Variants in RASA3 observed in about 807,000 individuals in gnomAD.
RASA3 encodes RAS p21 protein activator 3.
Under a neutral mutation model 110.0 loss-of-function variants are expected in RASA3, and 73 were observed. That is an observed-to-expected ratio of 0.66 (90% CI 0.55 to 0.81). The LOEUF (loss-of-function observed/expected upper bound fraction) is 0.81. Among genes scored for constraint, RASA3 ranks in the 30% least tolerant of loss-of-function variants. The probability of loss-of-function intolerance (pLI) is 0.00; values close to 1 mark genes in which losing one functional copy is unlikely to be tolerated. For synonymous variants in RASA3, 500 were observed against 451.4 expected (o/e 1.11, Z -1.37); for missense variants, 976 against 1,113.2 (o/e 0.88, Z 1.75).
intron 1 of RASA3, among the ~76,000 whole-genome samples, chr13:114,128,036 T>G (rs1460226374): frequency 2.0e-5 from 3 of 152,218 alleles, no homozygotes; most frequent in African/African-American, 7.2e-5. Flanking sequence ...GAGCCCCTGC[T>G]GTTTCCCAGG....
chr13:114,055,856 G>A (rs1214732457), intron 2 of RASA3, among the ~76,000 whole-genome samples: 1 of 152,268 alleles, frequency 6.6e-6, no homozygotes, highest in Non-Finnish European at 1.5e-5. Context: ...CCCAGCGGGA[G>A]CACGCACAGC....
chr13:114,069,569 C>T, intron 2 of RASA3, among the ~76,000 whole-genome samples: 1 of 4,286 alleles, frequency 2.3e-4, no homozygotes, highest in Non-Finnish European at 4.0e-4. Flanking sequence ...GGTTGGGAGA[C>T]TTGGGGGTCG....
At chr13:114,072,687 C>T (rs769181749) in intron 2 of RASA3, among the ~76,000 whole-genome samples, 53 of 152,314 alleles carry the variant, frequency 3.5e-4, no homozygotes, top group Non-Finnish European at 6.2e-4. Context: ...TTCACATCCA[C>T]GCACCACCAA....
chr13:114,012,971 C>G (rs557517672), intron 15 of RASA3, among the ~76,000 whole-genome samples, 171 bp downstream of exon 15: 2 of 149,216 alleles, frequency 1.3e-5, no homozygotes, highest in East Asian at 4.1e-4. Flanking sequence ...CACACACTCC[C>G]CACTCACTCC....
chr13:114,052,556 A>G (rs2079162474), intron 2 of RASA3, among the ~76,000 whole-genome samples: 1 of 152,076 alleles, frequency 6.6e-6, no homozygotes, highest in African/African-American at 2.4e-5. Flanking sequence ...AAAACACAGC[A>G]CTCCAGTGCC....
rs931965160 is a variant in RASA3, at chr13:114,079,084, G to A, written c.56-5247C>T. ...CAGCTCAGCGCCCAGTGAAGAGGGC[G>A]GAGGAAGGAATGAAGGCAGCCACGG... On this transcript the variant is annotated intron_variant, in intron 1 of 23. Coordinates refer to ENST00000334062, the MANE Select transcript of RASA3 (RefSeq NM_007368.4). 5.1e-4 allele frequency among the ~76,000 whole-genome samples: 77 copies of A among 152,342 alleles called. 1 individual carries two copies. Among genetic ancestry groups the A allele is most frequent in the East Asian group, 3.9e-4 (2 of 5,184 alleles).
At position 114,077,768 on chromosome 13, in the gene RASA3, G is replaced by A. The variant is rs2079715491; in HGVS notation, c.56-3931C>T. ...GTCCCCTGGCCCCAAAACACACCAGGTTCCTCCCTCCCCGCCCGATGGCCC... is the reference window on the plus strand; with the variant it reads ...GTCCCCTGGCCCCAAAACACACCAGATTCCTCCCTCCCCGCCCGATGGCCC... On this transcript the variant is annotated intron_variant, in intron 1 of 23. Coordinates refer to ENST00000334062, the MANE Select transcript of RASA3 (RefSeq NM_007368.4). 9.4e-6 allele frequency: 9 copies of A among 958,914 alleles called. No homozygotes were observed. The South Asian group carries it at 4.4e-4, about 46-fold the overall frequency. The allele number at this position is 958,914 out of a possible 1,614,324, so 59.4% of individuals were successfully genotyped here.
At chr13:114,016,431 G>T (rs753170336) in intron 12 of RASA3, among the ~76,000 whole-genome samples, 160 bp from the exon 13 acceptor site, 1 of 152,168 alleles carries the variant, frequency 6.6e-6, no homozygotes, top group African/African-American at 2.4e-5. Flanking sequence ...GGAGGGGCAC[G>T]GTGAGGCCGG....
At chr13:114,098,962 C>T (rs551968368) in intron 1 of RASA3, among the ~76,000 whole-genome samples, 44 of 151,074 alleles carry the variant, frequency 2.9e-4, no homozygotes, top group Middle Eastern at 3.4e-3. Context: ...CCCGGCCACC[C>T]GAGCCCCCCA....
chr13:114,100,587 G>T (rs977509385), intron 1 of RASA3, among the ~76,000 whole-genome samples: 2 of 152,254 alleles, frequency 1.3e-5, no homozygotes, highest in Non-Finnish European at 2.9e-5. Context: ...AAGTGCAGCA[G>T]CCGGCCCTAG....
At chr13:114,129,517 C>T (rs933098868) in intron 1 of RASA3, among the ~76,000 whole-genome samples, 19 of 152,296 alleles carry the variant, frequency 1.2e-4, no homozygotes, top group African/African-American at 3.9e-4. Context: ...CCACACACCA[C>T]CACACATTTC....
chr13:113,995,866 T>C (rs4990287), intron 21 of RASA3, among the ~76,000 whole-genome samples: 622 of 28,828 alleles, frequency 0.022, 91 homozygotes, highest in East Asian at 0.049. Context: ...GCCCGGCTGA[T>C]GGGGAGGCCC....
chr13:114,030,357 G>A (rs1299313707), intron 4 of RASA3, among the ~76,000 whole-genome samples: 2 of 149,014 alleles, frequency 1.3e-5, no homozygotes, highest in African/African-American at 5.2e-5. Context: ...CTCACACAGA[G>A]GGCAAGGCTC....
At position 114,081,176 on chromosome 13, in the gene RASA3, C is replaced by G. The variant is rs551109862; in HGVS notation, c.56-7339G>C. On this transcript the variant is annotated intron_variant, in intron 1 of 23. Transcript: ENST00000334062. ...CACGCTCCTGGTGCAAATGACCCTC[C>G]TCTCGTGCTTGGTGCAAAGGCTGTT... 2.8e-5 allele frequency among the ~76,000 whole-genome samples: 4 copies of G among 145,426 alleles called. No individual in the cohort carries two copies. In the South Asian group the frequency reaches 6.3e-4, roughly 23 times the overall value.
intron 2 of RASA3, among the ~76,000 whole-genome samples, chr13:114,069,365 G>A (rs1475009431): frequency 2.0e-5 from 3 of 149,122 alleles, no homozygotes; most frequent in Non-Finnish European, 3.0e-5. Context: ...TTTCCACAGC[G>A]ACTTTGCCAA....
Position 114,017,302 on chromosome 13 carries a change from C to T in RASA3, c.1141G>A (p.Asp381Asn). ...ATCCCCGCCAGCTTCATGGTCTCGT[C>T]GATGCACTTGGACGCCAGTGAGTTT... ...RGNSLASKCI[D>N]ETMKLAGMHY... The change falls in exon 12 of 24, where the codon GAC (aspartate) becomes AAC (asparagine). Residue 381 changes from aspartate (D) to asparagine (N), a missense_variant. Asp to Asn is a conservative substitution (Grantham distance 23, BLOSUM62 1). Coordinates refer to ENST00000334062, the MANE Select transcript of RASA3 (RefSeq NM_007368.4). 6.2e-7 allele frequency: 1 copy of T among 1,613,996 alleles called. No homozygotes were observed. Among genetic ancestry groups the T allele is most frequent in the Non-Finnish European group, 8.5e-7 (1 of 1,180,030 alleles).
In RASA3 at chr13:114,017,045, T is replaced by C. The variant is rs374477397; in HGVS notation, c.1206+192A>G. Among the ~76,000 whole-genome samples the C allele has an allele frequency of 4.3e-4, 66 of 152,302 alleles. No individual in the cohort carries two copies. The East Asian group carries it at 0.012, about 29-fold the overall frequency. ...ATGTATAGTTTTAATTTGGGAGAAT[T>C]TGGAAGGTTCTGGAGTACACAGGGA... On this transcript the variant is annotated intron_variant, in intron 12 of 23. Coordinates refer to ENST00000334062, the MANE Select transcript of RASA3 (RefSeq NM_007368.4).
chr13:114,018,752 T>A lies in RASA3; in HGVS notation c.942+11A>T. ...CTGCCCACACCCACAGGCCACGGCG[T>A]GGACAAGCACCTCCACATCCGCAGA... On this transcript the variant is annotated intron_variant, in intron 10 of 23. Coordinates refer to ENST00000334062, the MANE Select transcript of RASA3 (RefSeq NM_007368.4). 6.2e-7 allele frequency: 1 copy of A among 1,612,544 alleles called. No homozygotes were observed. Among genetic ancestry groups the A allele is most frequent in the Non-Finnish European group, 8.5e-7 (1 of 1,179,624 alleles).
intron 22 of RASA3, among the ~76,000 whole-genome samples, chr13:113,990,309 G>C (rs1255954465): frequency 6.6e-6 from 1 of 152,166 alleles, no homozygotes; most frequent in Non-Finnish European, 1.5e-5. Flanking sequence ...GGTAAACAGG[G>C]TCTGCCAGCC....
Sources: allele counts gnomAD v4.1 joint callset (sites outside exome capture counted in the v4.1 genomes callset), GRCh38; gene constraint gnomAD v4.1.1; transcripts MANE v1.5; gene names NCBI Gene and HGNC (gene_info 2026-07-23, HGNC 2026-07-21).